The following NKAIN2 variants were observed in gnomAD, a reference collection of about 807,000 sequenced individuals.
NKAIN2 encodes the protein sodium/potassium transporting ATPase interacting 2.
In NKAIN2, 14 loss-of-function variants were observed where a neutral mutation model predicts 32.6. The observed-to-expected ratio is 0.43, with a 90% CI of 0.28 to 0.67. The LOEUF is 0.67. Ranked by LOEUF, NKAIN2 falls within the 30% of genes least tolerant of loss-of-function variation. NKAIN2 has a pLI of 0.17. For synonymous variants in NKAIN2, 80 were observed against 87.2 expected (o/e 0.92, Z 0.46); for missense variants, 198 against 258.3 (o/e 0.77, Z 1.60).
At chr6:124,602,882 C>A (rs910260190) in intron 3 of NKAIN2, among the ~76,000 whole-genome samples, 57 of 151,862 alleles carry the variant, frequency 3.8e-4, no homozygotes, top group African/African-American at 1.3e-3. Context: ...ACCTTATCTG[C>A]AATAATTGTT....
intron 1 of NKAIN2, among the ~76,000 whole-genome samples, chr6:124,200,256 A>G (rs532526294): frequency 2.0e-5 from 3 of 152,250 alleles, no homozygotes; most frequent in East Asian, 1.9e-4. Flanking sequence ...AACCATATGT[A>G]TAGTCTTTCC....
At chr6:123,871,125 T>A (rs1036091665) in intron 1 of NKAIN2, among the ~76,000 whole-genome samples, 1 of 152,250 alleles carries the variant, frequency 6.6e-6, no homozygotes, top group Non-Finnish European at 1.5e-5. Flanking sequence ...CCAGTTTCGA[T>A]GTCCCTATCT....
rs539225707 is a variant in NKAIN2 at position 124,350,190 on chromosome 6, GTCAATTATATCACA to G, written c.193-5072_193-5059del. Among the ~76,000 whole-genome samples, 15 of 152,278 alleles carry G rather than the reference GTCAATTATATCACA, an allele frequency of 9.9e-5. No individual in the cohort carries two copies. In the South Asian group the frequency reaches 2.7e-3, roughly 27 times the overall value. On this transcript the variant is annotated intron_variant, in intron 2 of 6. Transcript: ENST00000368417. ...CCAATTATACTCAAACTGCATCATT[GTCAATTATATCACA>G]TCAACTAGTTGTAGCAACAGGGAAG...
intron 1 of NKAIN2, among the ~76,000 whole-genome samples, chr6:123,996,797 A>T (rs1779636939): frequency 6.6e-6 from 1 of 152,128 alleles, no homozygotes; most frequent in African/African-American, 2.4e-5. Flanking sequence ...TTCTTCTTAA[A>T]AGAAGAAAAC....
chr6:123,951,366 T>A (rs1777317396), intron 1 of NKAIN2, among the ~76,000 whole-genome samples: 1 of 152,050 alleles, frequency 6.6e-6, no homozygotes, highest in Non-Finnish European at 1.5e-5. Flanking sequence ...TGTTGATTTC[T>A]TCAATTATTA....
intron 4 of NKAIN2, among the ~76,000 whole-genome samples, chr6:124,759,647 ACACACACACC>A (rs769085362): frequency 0.042 from 3,386 of 80,692 alleles, 285 homozygotes; most frequent in Non-Finnish European, 0.056. Context: ...ACACACACAC[ACACACACACC>A]CCCTATCTCC....
At chr6:124,804,768 G>C (rs1421269204) in intron 5 of NKAIN2, among the ~76,000 whole-genome samples, 1 of 152,182 alleles carries the variant, frequency 6.6e-6, no homozygotes, top group African/African-American at 2.4e-5. Context: ...ACGGCACCTG[G>C]AAAATCGGAT....
At chr6:124,784,874 T>C (rs1779430531) in intron 4 of NKAIN2, among the ~76,000 whole-genome samples, 1 of 152,122 alleles carries the variant, frequency 6.6e-6, no homozygotes, top group Non-Finnish European at 1.5e-5. Context: ...ATATCTGTTT[T>C]TGGGTTTCCT....
intron 1 of NKAIN2, among the ~76,000 whole-genome samples, chr6:124,219,303 A>G (rs1389172549): frequency 6.9e-6 from 1 of 145,490 alleles, no homozygotes; most frequent in Non-Finnish European, 1.5e-5. Flanking sequence ...TTTGAGACAG[A>G]GTCTTGCTCT....
At chr6:124,556,585 C>G (rs1209052093) in intron 3 of NKAIN2, among the ~76,000 whole-genome samples, 1 of 152,162 alleles carries the variant, frequency 6.6e-6, no homozygotes, top group African/African-American at 2.4e-5. Context: ...GCACCATGCT[C>G]TCAGACTTCC....
At chr6:124,204,444 A>G (rs534011687) in intron 1 of NKAIN2, among the ~76,000 whole-genome samples, 1 of 151,994 alleles carries the variant, frequency 6.6e-6, no homozygotes, top group South Asian at 2.1e-4. Flanking sequence ...ACAAAAAAAT[A>G]TGAAAAAATA....
intron 3 of NKAIN2, among the ~76,000 whole-genome samples, chr6:124,390,085 A>C (rs1325267611): frequency 6.6e-6 from 1 of 152,232 alleles, no homozygotes; most frequent in East Asian, 1.9e-4. Flanking sequence ...GAAAAGGTAC[A>C]GTGTTCTTTC....
intron 3 of NKAIN2, among the ~76,000 whole-genome samples, chr6:124,511,985 A>C (rs1300707494): frequency 6.6e-6 from 1 of 152,164 alleles, no homozygotes; most frequent in Non-Finnish European, 1.5e-5. Context: ...TATGAGAAAA[A>C]AGCTATAGAG....
At chr6:124,484,357 G>A (rs1777570821) in intron 3 of NKAIN2, among the ~76,000 whole-genome samples, 2 of 152,090 alleles carry the variant, frequency 1.3e-5, no homozygotes, top group Non-Finnish European at 2.9e-5. Context: ...ATGCTTCTTT[G>A]TTTCTACGCC....
At chr6:124,028,811 A>G (rs1781249152) in intron 1 of NKAIN2, among the ~76,000 whole-genome samples, 1 of 146,880 alleles carries the variant, frequency 6.8e-6, no homozygotes, top group African/African-American at 2.5e-5. Context: ...ACGTATATAT[A>G]CGTATATGTG....
At chr6:124,007,270 T>C (rs537972318) in intron 1 of NKAIN2, among the ~76,000 whole-genome samples, 6 of 152,322 alleles carry the variant, frequency 3.9e-5, no homozygotes, top group Middle Eastern at 3.4e-3. Flanking sequence ...AGGTCCCTCA[T>C]TGACCAAAAC....
At chr6:124,720,844 G>A (rs1775980291) in intron 4 of NKAIN2, among the ~76,000 whole-genome samples, 1 of 152,168 alleles carries the variant, frequency 6.6e-6, no homozygotes, top group African/African-American at 2.4e-5. Flanking sequence ...AAACTCTGAA[G>A]AAGACATAAT....
chr6:124,174,660 G>C (rs967586176), intron 1 of NKAIN2, among the ~76,000 whole-genome samples: 1 of 152,012 alleles, frequency 6.6e-6, no homozygotes, highest in African/African-American at 2.4e-5. Flanking sequence ...AGAGAGTGAG[G>C]GCAGGATTGC....
At chr6:124,017,548 A>G (rs1318460573) in intron 1 of NKAIN2, among the ~76,000 whole-genome samples, 4 of 152,140 alleles carry the variant, frequency 2.6e-5, no homozygotes, top group Admixed American at 2.6e-4. Context: ...CCTAGATACA[A>G]TGGGGGTATA....
Sources: allele counts gnomAD v4.1 joint callset (sites outside exome capture counted in the v4.1 genomes callset), GRCh38; gene constraint gnomAD v4.1.1; transcripts MANE v1.5; gene names NCBI Gene and HGNC (gene_info 2026-07-23, HGNC 2026-07-21).